The following RPN2 variants were observed in gnomAD, a reference collection of about 807,000 sequenced individuals.
The protein encoded by RPN2 is ribophorin II.
RPN2 carries 29 observed loss-of-function variants against 71.4 expected under a neutral mutation model. The ratio of observed to expected loss-of-function variants is 0.41; its 90% CI spans 0.30 to 0.55. RPN2 has a LOEUF of 0.55. RPN2 is among the 20% of genes least tolerant of loss of function. RPN2 has a pLI of 0.35. For synonymous variants in RPN2, 308 were observed against 305.0 expected (o/e 1.01, Z -0.10); for missense variants, 726 against 774.1 (o/e 0.94, Z 0.74).
rs903112001 is a variant in RPN2, at chr20:37,204,630, T to A, written c.556-137T>A. ...TGCCTAAGCACCATTTTTGAGAAAG[T>A]ATGAAGTGACTGAGATGGTCTTCAG... On this transcript the variant is annotated intron_variant, in intron 5 of 16. Coordinates refer to ENST00000237530, the MANE Select transcript of RPN2 (RefSeq NM_002951.5). The A allele has an allele frequency of 2.1e-6, 2 of 963,988 alleles. 1 individual carries two copies. Among genetic ancestry groups the A allele is most frequent in the Non-Finnish European group, 3.4e-6 (2 of 592,716 alleles). 59.7% of individuals were successfully genotyped at this position (963,988 alleles called of 1,614,324 possible).
chr20:37,204,009 C>G (rs753745292), intron 5 of RPN2, 49 bp downstream of exon 5: 1 of 1,342,584 alleles, frequency 7.4e-7, no homozygotes, highest in Non-Finnish European at 1.1e-6. Flanking sequence ...CTTTGACACT[C>G]TGCAGAAGAA....
intron 1 of RPN2, among the ~76,000 whole-genome samples, chr20:37,183,213 T>G (rs1357332938): frequency 2.9e-5 from 4 of 136,406 alleles, no homozygotes; most frequent in African/African-American, 1.2e-4. Flanking sequence ...CAGTCATTAT[T>G]CTAAGATTTT....
intron 3 of RPN2, 112 bp downstream of exon 3, chr20:37,198,604 A>C: frequency 2.0e-6 from 3 of 1,513,424 alleles, no homozygotes; most frequent in Non-Finnish European, 2.7e-6. Flanking sequence ...CATTATTGTG[A>C]GTGGGAATTC....
At chr20:37,187,521 G>A (rs1324144500) in intron 2 of RPN2, among the ~76,000 whole-genome samples, 10 of 148,462 alleles carry the variant, frequency 6.7e-5, no homozygotes, top group African/African-American at 2.3e-4. Context: ...AAAAAAAAAA[G>A]ATCAATCATT....
chr20:37,189,794 C>T (rs1432494647), intron 2 of RPN2, among the ~76,000 whole-genome samples: 1 of 152,144 alleles, frequency 6.6e-6, no homozygotes, highest in Non-Finnish European at 1.5e-5. Context: ...ACAGTATGCC[C>T]CTCAAAGGAA....
At chr20:37,232,624 C>T (rs2068283652) in intron 14 of RPN2, among the ~76,000 whole-genome samples, 1 of 151,830 alleles carries the variant, frequency 6.6e-6, no homozygotes. Context: ...ACCTAACAGC[C>T]ACTAAGAATG....
chr20:37,190,726 A>G lies in RPN2; in HGVS notation c.207+6353A>G, dbSNP rs73291756. 5.1e-3 allele frequency among the ~76,000 whole-genome samples: 782 copies of G among 152,304 alleles called. 5 individuals carry two copies. Among genetic ancestry groups the G allele is most frequent in the African/African-American group, 0.018 (745 of 41,558 alleles). ...GAACTGTAGACTTTAGCTCAATCAA[A>G]ATGGGAGCTCTCTAAATGTGCCTGC... On this transcript the variant is annotated intron_variant, in intron 2 of 16. Coordinates refer to ENST00000237530, the MANE Select transcript of RPN2 (RefSeq NM_002951.5).
chr20:37,197,435 G>A (rs2067278714), intron 2 of RPN2, among the ~76,000 whole-genome samples: 1 of 152,168 alleles, frequency 6.6e-6, no homozygotes, highest in African/African-American at 2.4e-5. Context: ...ACCAGAGGCG[G>A]GACTGGGCCT....
intron 9 of RPN2, among the ~76,000 whole-genome samples, chr20:37,218,644 T>G (rs2067878859): frequency 6.6e-6 from 1 of 152,128 alleles, no homozygotes; most frequent in Non-Finnish European, 1.5e-5. Context: ...CAGAATATAT[T>G]TATCACCCTG....
intron 2 of RPN2, among the ~76,000 whole-genome samples, chr20:37,191,368 C>T (rs769367252): frequency 2.7e-5 from 4 of 148,420 alleles, no homozygotes; most frequent in Non-Finnish European, 4.5e-5. Flanking sequence ...CCCAGCTACT[C>T]GGGAGGCCGA....
At chr20:37,190,098 CT>C (rs2067109862) in intron 2 of RPN2, among the ~76,000 whole-genome samples, 1 of 152,272 alleles carries the variant, frequency 6.6e-6, no homozygotes, top group Admixed American at 6.5e-5. Context: ...GGTTTTCAAA[CT>C]TTTGTGGAAC....
chr20:37,204,049 C>G (rs978059677), intron 5 of RPN2, 89 bp downstream of exon 5: 3 of 881,548 alleles, frequency 3.4e-6, no homozygotes, highest in Non-Finnish European at 5.7e-6. Context: ...TGATCTGTTA[C>G]TACAGGTTAC....
chr20:37,201,671 T>A (rs1029120253), intron 4 of RPN2, among the ~76,000 whole-genome samples: 2 of 152,174 alleles, frequency 1.3e-5, no homozygotes, highest in Non-Finnish European at 2.9e-5. Context: ...ACCTCAGTGT[T>A]CTCATATGCA....
intron 16 of RPN2, among the ~76,000 whole-genome samples, chr20:37,240,716 G>A (rs1002621424): frequency 2.0e-5 from 3 of 152,198 alleles, no homozygotes; most frequent in Non-Finnish European, 4.4e-5. Context: ...CAGGAGATAG[G>A]TTCTTATCCC....
intron 9 of RPN2, among the ~76,000 whole-genome samples, chr20:37,217,995 C>A (rs2067860208): frequency 6.6e-6 from 1 of 152,190 alleles, no homozygotes; most frequent in African/African-American, 2.4e-5. Context: ...GCCTCGGCCT[C>A]CCAAAGTGCT....
intron 12 of RPN2, among the ~76,000 whole-genome samples, chr20:37,229,086 G>A (rs190748159): frequency 2.0e-5 from 3 of 152,314 alleles, no homozygotes; most frequent in Admixed American, 6.5e-5. Context: ...TTAAGGCCCT[G>A]GCCTTTGAGA....
At chr20:37,215,964 G>A (rs2067794308) in intron 9 of RPN2, among the ~76,000 whole-genome samples, 1 of 152,222 alleles carries the variant, frequency 6.6e-6, no homozygotes, top group Non-Finnish European at 1.5e-5. Context: ...TTAGTTGTGA[G>A]CATCAGATAT....
chr20:37,182,369 C>T (rs1170446168), intron 1 of RPN2, among the ~76,000 whole-genome samples: 1 of 152,136 alleles, frequency 6.6e-6, no homozygotes, highest in African/African-American at 2.4e-5. Flanking sequence ...GCTGGGATTA[C>T]AGGCGTGAGC....
intron 1 of RPN2, among the ~76,000 whole-genome samples, chr20:37,179,882 A>G (rs76478953): frequency 0.12 from 18,212 of 152,282 alleles, 1,125 homozygotes; most frequent in African/African-American, 0.15. Context: ...CCACGTATTC[A>G]TTGTGTAACC....
Sources: allele counts gnomAD v4.1 joint callset (sites outside exome capture counted in the v4.1 genomes callset), GRCh38; gene constraint gnomAD v4.1.1; transcripts MANE v1.5; gene names NCBI Gene and HGNC (gene_info 2026-07-23, HGNC 2026-07-21).